The following KCNIP4 variants were observed in gnomAD, a reference collection of about 807,000 sequenced individuals.
KCNIP4 encodes the protein potassium voltage-gated channel interacting protein 4, also known as Kv channel-interacting protein 4.
A neutral mutation model predicts 34.0 loss-of-function variants in KCNIP4; 12 were observed. That is an observed-to-expected ratio of 0.35 (90% CI 0.23 to 0.57). KCNIP4 has a LOEUF of 0.57. Among genes scored for constraint, KCNIP4 ranks in the 20% least tolerant of loss-of-function variants. The pLI, the probability that KCNIP4 is intolerant of heterozygous loss-of-function variation, is 0.83. For synonymous variants in KCNIP4, 124 were observed against 102.2 expected (o/e 1.21, Z -1.29); for missense variants, 238 against 311.7 (o/e 0.76, Z 1.78).
intron 3 of KCNIP4, among the ~76,000 whole-genome samples, chr4:20,766,535 C>T (rs1270013223): frequency 3.3e-5 from 5 of 152,186 alleles, no homozygotes; most frequent in Admixed American, 1.3e-4. Context: ...CACTATACTC[C>T]AGCCTGGGTG....
intron 2 of KCNIP4, among the ~76,000 whole-genome samples, chr4:20,873,026 C>T (rs1316455419): frequency 6.6e-6 from 1 of 152,198 alleles, no homozygotes; most frequent in African/African-American, 2.4e-5. Flanking sequence ...GTCACTTCAT[C>T]TCTTTCCTAT....
chr4:20,819,275 A>T (rs1716811899), intron 3 of KCNIP4, among the ~76,000 whole-genome samples: 2 of 152,200 alleles, frequency 1.3e-5, no homozygotes, highest in Admixed American at 1.3e-4. Flanking sequence ...CAGAACTAGC[A>T]CACAAACTAT....
At chr4:21,215,646 G>A (rs1352349298) in intron 1 of KCNIP4, among the ~76,000 whole-genome samples, 1 of 152,020 alleles carries the variant, frequency 6.6e-6, no homozygotes, top group Non-Finnish European at 1.5e-5. Context: ...ACTGTTGCCT[G>A]GCACATCTTA....
intron 1 of KCNIP4, among the ~76,000 whole-genome samples, chr4:21,411,104 A>T (rs866200648): frequency 1.3e-5 from 2 of 152,204 alleles, no homozygotes; most frequent in African/African-American, 4.8e-5. Flanking sequence ...AGAGTGACTA[A>T]TTGGTGCTGC....
At chr4:21,724,865 T>C (rs1715080552) in intron 1 of KCNIP4, among the ~76,000 whole-genome samples, 1 of 152,068 alleles carries the variant, frequency 6.6e-6, no homozygotes, top group African/African-American at 2.4e-5. Context: ...GTCTGCAGCA[T>C]AACAGACCTA....
At chr4:21,316,252 G>T (rs942300982) in intron 1 of KCNIP4, 47 of 152,242 alleles carry the variant, frequency 3.1e-4, no homozygotes, top group African/African-American at 1.1e-3. Flanking sequence ...GGGAGGAAGG[G>T]CCATATCTGA....
intron 1 of KCNIP4, among the ~76,000 whole-genome samples, chr4:21,479,916 G>A (rs528510726): frequency 1.3e-5 from 2 of 151,754 alleles, no homozygotes; most frequent in East Asian, 3.9e-4. Flanking sequence ...TTTAAGAAGT[G>A]AGAATATTAG....
chr4:21,535,352 A>G (rs1309276815), intron 1 of KCNIP4, among the ~76,000 whole-genome samples: 3 of 152,202 alleles, frequency 2.0e-5, no homozygotes, highest in African/African-American at 7.2e-5. Flanking sequence ...TATTTTCGAC[A>G]TATGTTTTCA....
At chr4:21,578,687 G>C (rs777132543) in intron 1 of KCNIP4, among the ~76,000 whole-genome samples, 1 of 152,068 alleles carries the variant, frequency 6.6e-6, no homozygotes, top group Non-Finnish European at 1.5e-5. Context: ...CTTCCAGTTC[G>C]AGTATAATGC....
intron 1 of KCNIP4, among the ~76,000 whole-genome samples, chr4:21,145,265 C>A (rs902151565): frequency 7.9e-5 from 12 of 152,142 alleles, no homozygotes; most frequent in Non-Finnish European, 1.5e-4. Flanking sequence ...ACTATCAATT[C>A]TTTTTCCATT....
Position 21,284,401 on chromosome 4 carries a change from C to T in KCNIP4, c.62-401692G>A, listed in dbSNP as rs562595746. On this transcript the variant is annotated intron_variant, in intron 1 of 8. Coordinates refer to ENST00000382152, the MANE Select transcript of KCNIP4 (RefSeq NM_025221.6). ...GAACTGGCCAAGCTGTTTGGTACTT[C>T]TCATTTTGCAGATGTCATTCCAGAA... 1.3e-4 allele frequency among the ~76,000 whole-genome samples: 20 copies of T among 152,262 alleles called. No individual in the cohort carries two copies. In the South Asian group the frequency reaches 1.9e-3, roughly 14 times the overall value.
At chr4:20,778,237 G>T (rs147532469) in intron 3 of KCNIP4, among the ~76,000 whole-genome samples, 53 of 152,312 alleles carry the variant, frequency 3.5e-4, no homozygotes, top group African/African-American at 1.2e-3. Flanking sequence ...CTTTGTGCCA[G>T]TTTATTAATT....
At chr4:21,899,816 C>A (rs1356381993) in intron 1 of KCNIP4, among the ~76,000 whole-genome samples, 1 of 152,064 alleles carries the variant, frequency 6.6e-6, no homozygotes, top group Non-Finnish European at 1.5e-5. Flanking sequence ...AAAGATATCC[C>A]ATGTTCATGG....
chr4:21,000,501 A>G (rs1252954896), intron 1 of KCNIP4, among the ~76,000 whole-genome samples: 1 of 152,026 alleles, frequency 6.6e-6, no homozygotes, highest in African/African-American at 2.4e-5. Flanking sequence ...CCTGGCCAAC[A>G]TGGTGGAACC....
intron 1 of KCNIP4, among the ~76,000 whole-genome samples, chr4:21,233,686 G>A (rs910910736): frequency 6.6e-6 from 1 of 151,160 alleles, no homozygotes; most frequent in Admixed American, 6.7e-5. Flanking sequence ...CTATGACCTG[G>A]GGACTGTAAG....
chr4:21,818,532 A>G (rs1722128818), intron 1 of KCNIP4, among the ~76,000 whole-genome samples: 1 of 152,220 alleles, frequency 6.6e-6, no homozygotes, highest in Admixed American at 6.5e-5. Context: ...GATTTTAAAC[A>G]AATTAAAATG....
intron 1 of KCNIP4, among the ~76,000 whole-genome samples, chr4:21,470,161 T>C (rs1730338178): frequency 6.6e-6 from 1 of 152,158 alleles, no homozygotes; most frequent in African/African-American, 2.4e-5. Flanking sequence ...GACAGATTAT[T>C]AGAACGTGAA....
intron 1 of KCNIP4, among the ~76,000 whole-genome samples, chr4:21,941,903 T>C (rs751936247): frequency 3.3e-5 from 5 of 152,152 alleles, no homozygotes; most frequent in Non-Finnish European, 7.4e-5. Context: ...GAAGAGCTTT[T>C]ATGTTTAAAT....
chr4:21,296,741 T>C (rs959275864), intron 1 of KCNIP4, among the ~76,000 whole-genome samples: 1 of 151,974 alleles, frequency 6.6e-6, no homozygotes, highest in Non-Finnish European at 1.5e-5. Context: ...CTTGTTATAA[T>C]TCCAGGAGCC....
Sources: allele counts gnomAD v4.1 joint callset (sites outside exome capture counted in the v4.1 genomes callset), GRCh38; gene constraint gnomAD v4.1.1; transcripts MANE v1.5; gene names NCBI Gene and HGNC (gene_info 2026-07-23, HGNC 2026-07-21).